Variants in CES5A observed in about 807,000 individuals in gnomAD.
CES5A encodes carboxylesterase 5.
A neutral mutation model predicts 62.9 loss-of-function variants in CES5A; 67 were observed. The ratio of observed to expected loss-of-function variants is 1.07; its 90% CI spans 0.88 to 1.31. The LOEUF is 1.31. Among genes scored for constraint, CES5A ranks in the 50% most tolerant of loss-of-function variants. The pLI is 0.00. For synonymous variants in CES5A, 296 were observed against 280.8 expected, an observed-to-expected ratio of 1.05 and a Z score of -0.54; for missense variants, 748 against 708.5, an observed-to-expected ratio of 1.06 and a Z score of -0.63.
chr16:55,955,640 C>T (rs2034601041), intron 1 of CES5A, among the ~76,000 whole-genome samples: 1 of 152,210 alleles, frequency 6.6e-6, no homozygotes, highest in Non-Finnish European at 1.5e-5. Context: ...CAGCATGGAG[C>T]CTGCTCTGAG....
chr16:55,883,986 T>C (rs753092106), intron 1 of CES5A, among the ~76,000 whole-genome samples: 2 of 152,216 alleles, frequency 1.3e-5, no homozygotes, highest in Non-Finnish European at 2.9e-5. Flanking sequence ...GGTCTCTACA[T>C]AGCAATGTCA....
intron 1 of CES5A, among the ~76,000 whole-genome samples, chr16:55,883,016 C>T (rs1243785033): frequency 3.3e-5 from 5 of 152,056 alleles, no homozygotes; most frequent in African/African-American, 1.2e-4. Flanking sequence ...GCGAATTGTT[C>T]TAGTTGGAAT....
chr16:55,855,882 G>A (rs1174309459), intron 9 of CES5A, among the ~76,000 whole-genome samples: 1 of 152,174 alleles, frequency 6.6e-6, no homozygotes, highest in Non-Finnish European at 1.5e-5. Flanking sequence ...AATGTTGGAG[G>A]TGGGGCCTGA....
At chr16:55,869,001 G>T (rs754948279) in intron 4 of CES5A, among the ~76,000 whole-genome samples, 1 of 152,238 alleles carries the variant, frequency 6.6e-6, no homozygotes, top group Non-Finnish European at 1.5e-5. Flanking sequence ...GGCCTGATTG[G>T]AGGAGGGAAG....
chr16:55,921,597 T>A (rs1205045079), intron 1 of CES5A, among the ~76,000 whole-genome samples: 1 of 125,644 alleles, frequency 8.0e-6, no homozygotes, highest in South Asian at 2.5e-4. Context: ...ACCAGACCCA[T>A]CAGACAAGAA....
chr16:55,865,132 G>T (rs2033430015), intron 5 of CES5A, among the ~76,000 whole-genome samples: 1 of 152,146 alleles, frequency 6.6e-6, no homozygotes, highest in African/African-American at 2.4e-5. Context: ...GTTGAACCCA[G>T]GAGGCGGAGG....
intron 1 of CES5A, among the ~76,000 whole-genome samples, chr16:55,893,304 C>T (rs115804106): frequency 0.012 from 1,812 of 151,170 alleles, 50 homozygotes; most frequent in African/African-American, 0.041. Context: ...TTTTCAATAT[C>T]GGTATGAAAT....
intron 7 of CES5A, 121 bp from the exon 8 acceptor site, chr16:55,859,808 T>G (rs2033316774): frequency 1.2e-6 from 1 of 808,286 alleles, no homozygotes; most frequent in African/African-American, 1.8e-5. Context: ...TAAATGCACT[T>G]AAAAAGTAAA....
At chr16:55,856,665 C>T (rs547523916) in intron 8 of CES5A, among the ~76,000 whole-genome samples, 22 of 152,344 alleles carry the variant, frequency 1.4e-4, no homozygotes, top group African/African-American at 5.1e-4. Context: ...CACCTGCAGC[C>T]TTGTGGGGCC....
intron 1 of CES5A, among the ~76,000 whole-genome samples, chr16:55,903,439 A>G (rs1333994732): frequency 6.6e-6 from 1 of 152,256 alleles, no homozygotes; most frequent in Non-Finnish European, 1.5e-5. Flanking sequence ...GGGGCAAGAT[A>G]TATGAGTTCT....
rs2033672667 is a variant in CES5A, at chr16:55,875,186, T to C, written c.36A>G (p.Leu12=). The part of the protein sequence containing the change: ...SGNWVHPGQI[L]IWAIWVLAAP... ...CTGCAAGGACCCAGATAGCCCAAAT[T>C]AGGATCTGGCCTGGGTGCACCCAAT... The change falls in exon 1 of 13, where the codon CTA becomes CTG. Residue 12 remains leucine, a synonymous_variant. Coordinates refer to ENST00000290567, the MANE Select transcript of CES5A (RefSeq NM_001143685.2). 1 of 1,613,902 alleles carries C rather than the reference T, an allele frequency of 6.2e-7. No homozygotes were observed. Among genetic ancestry groups the C allele is most frequent in the African/African-American group, 1.3e-5 (1 of 74,928 alleles).
At chr16:55,918,417 T>A (rs1442079101) in intron 1 of CES5A, among the ~76,000 whole-genome samples, 3 of 152,210 alleles carry the variant, frequency 2.0e-5, no homozygotes, top group African/African-American at 7.2e-5. Context: ...AATTGAAATA[T>A]CTCTTCCCCA....
At chr16:55,855,521 A>T (rs1398148633) in intron 9 of CES5A, among the ~76,000 whole-genome samples, 2 of 152,204 alleles carry the variant, frequency 1.3e-5, no homozygotes, top group Non-Finnish European at 2.9e-5. Flanking sequence ...CCCCAGTCCC[A>T]TGTGTGTTTC....
At chr16:55,863,817 C>A (rs549752273) in intron 5 of CES5A, among the ~76,000 whole-genome samples, 1 of 150,382 alleles carries the variant, frequency 6.6e-6, no homozygotes, top group South Asian at 2.1e-4. Flanking sequence ...AGTGCACTGG[C>A]GTGATCTCAC....
upstream of CES5A, among the ~76,000 whole-genome samples, chr16:55,927,608 C>A (rs1299864642): frequency 6.6e-6 from 1 of 152,098 alleles, no homozygotes; most frequent in African/African-American, 2.4e-5. Context: ...TTTTACAAGT[C>A]AAAAATCAAT....
intron 2 of CES5A, among the ~76,000 whole-genome samples, chr16:55,939,681 A>G (rs576201328): frequency 6.6e-6 from 1 of 152,238 alleles, no homozygotes; most frequent in Non-Finnish European, 1.5e-5. Flanking sequence ...CCTTACTGAC[A>G]TTTATGGAAT....
chr16:55,866,658 T>TAAAAAAAAAAAAAAACA (rs2033468475), intron 4 of CES5A, among the ~76,000 whole-genome samples: 1 of 82,824 alleles, frequency 1.2e-5, no homozygotes, highest in Non-Finnish European at 2.5e-5. Context: ...CTGTCTCTGC[T>TAAAAAAAAAAAAAAACA]AAAAAAAAAA....
chr16:55,928,242 C>CA (rs200549243), upstream of CES5A, among the ~76,000 whole-genome samples: 1,022 of 139,820 alleles, frequency 7.3e-3, 6 homozygotes, highest in African/African-American at 0.023. Flanking sequence ...GACTCTGTCT[C>CA]AAAAAAAAAA....
intron 6 of CES5A, among the ~76,000 whole-genome samples, chr16:55,862,157 G>A (rs1468358787): frequency 6.6e-6 from 1 of 152,058 alleles, no homozygotes; most frequent in Non-Finnish European, 1.5e-5. Context: ...TAAGCTCGAT[G>A]TTCCCCACCT....
Sources: gnomAD v4.1 joint callset for allele counts (sites outside exome capture counted in the v4.1 genomes callset) on GRCh38, gnomAD v4.1.1 for gene constraint, MANE v1.5 for transcripts, NCBI Gene and HGNC (gene_info 2026-07-23, HGNC 2026-07-21) for gene names.